HIVEP3: variants seen among roughly 807,000 people sequenced by gnomAD.
HIVEP3 encodes HIVEP zinc finger 3.
HIVEP3 carries 49 observed loss-of-function variants against 152.8 expected under a neutral mutation model. The ratio of observed to expected loss-of-function variants is 0.32; its 90% CI spans 0.26 to 0.41. The LOEUF (loss-of-function observed/expected upper bound fraction) is 0.41. Ranked by LOEUF, HIVEP3 falls within the 10% of genes least tolerant of loss-of-function variation. The pLI is 1.00. For synonymous variants in HIVEP3, 1,269 were observed against 1,289.0 expected, an observed-to-expected ratio of 0.98 and a Z score of 0.33; for missense variants, 2,790 against 3,103.3, an observed-to-expected ratio of 0.90 and a Z score of 2.40.
At chr1:41,691,646 T>G (rs1231125311) in intron 2 of HIVEP3, among the ~76,000 whole-genome samples, 1 of 152,234 alleles carries the variant, frequency 6.6e-6, no homozygotes, top group Non-Finnish European at 1.5e-5. Context: ...TGCCTTGATC[T>G]TGAATTTCCC....
chr1:41,737,379 T>G (rs710233), intron 1 of HIVEP3, among the ~76,000 whole-genome samples: 33,309 of 152,102 alleles, frequency 0.22, 9,512 homozygotes, highest in African/African-American at 0.66. Context: ...TTTTTTTGTG[T>G]CTGGCTGTGG....
At chr1:41,854,006 A>T (rs964148389) in intron 1 of HIVEP3, among the ~76,000 whole-genome samples, 3 of 152,204 alleles carry the variant, frequency 2.0e-5, no homozygotes, top group Admixed American at 2.0e-4. Flanking sequence ...CCAGAGAAGC[A>T]GAGCGAAGAC....
At chr1:41,773,094 A>G (rs954550814) in intron 1 of HIVEP3, among the ~76,000 whole-genome samples, 1 of 152,178 alleles carries the variant, frequency 6.6e-6, no homozygotes, top group Non-Finnish European at 1.5e-5. Flanking sequence ...TCAAGTTCAG[A>G]TGTAGATTCA....
intron 1 of HIVEP3, among the ~76,000 whole-genome samples, chr1:41,845,809 G>T (rs192800657): frequency 6.6e-6 from 1 of 152,268 alleles, no homozygotes; most frequent in African/African-American, 2.4e-5. Context: ...GCTCATACCT[G>T]TAATCCCAGC....
intron 1 of HIVEP3, among the ~76,000 whole-genome samples, chr1:42,016,036 G>A (rs6695748): frequency 7.9e-5 from 12 of 152,078 alleles, no homozygotes; most frequent in African/African-American, 2.9e-4. Flanking sequence ...GGCTAGTTAC[G>A]TGGGGCTGAA....
chr1:42,014,339 A>G (rs112316449), intron 1 of HIVEP3, among the ~76,000 whole-genome samples: 1 of 152,006 alleles, frequency 6.6e-6, no homozygotes, highest in Non-Finnish European at 1.5e-5. Context: ...GAGTTCGGGG[A>G]AAGGAGAAAG....
intron 2 of HIVEP3, among the ~76,000 whole-genome samples, chr1:41,668,901 A>G (rs933227939): frequency 1.3e-5 from 2 of 152,122 alleles, no homozygotes; most frequent in Non-Finnish European, 2.9e-5. Flanking sequence ...CTTGGTACCT[A>G]CTAGGTGCTC....
At chr1:41,727,785 G>A (rs951197444) in intron 1 of HIVEP3, among the ~76,000 whole-genome samples, 1 of 152,222 alleles carries the variant, frequency 6.6e-6, no homozygotes, top group Non-Finnish European at 1.5e-5. Flanking sequence ...CCCTGGGCTG[G>A]AGTCGTAGTC....
Position 41,513,672 on chromosome 1 carries a change from A to G in HIVEP3, c.5549T>C (p.Leu1850Pro). The G allele has an allele frequency of 6.2e-7, 1 of 1,612,808 alleles. No individual in the cohort carries two copies. Among genetic ancestry groups the G allele is most frequent in the South Asian group, 1.1e-5 (1 of 90,904 alleles). Reference protein sequence around the residue: ...EAVEEHQFSDLEDSDSDSDLD... With the variant: ...EAVEEHQFSDPEDSDSDSDLD... ...GTCTGAGTCTGAGTCCGAGTCCTCC[A>G]GGTCCGAAAACTGGTGCTCCTCCAC... is the stretch of plus-strand genomic sequence containing the variant. Residue 1850 changes from leucine to proline, a missense_variant, in exon 8 of 9, where the codon CTG (leucine) becomes CCG (proline). By Grantham distance (98) the Leu-to-Pro change is moderately conservative. Coordinates refer to ENST00000372583, the MANE Select transcript of HIVEP3 (RefSeq NM_024503.5).
intron 1 of HIVEP3, among the ~76,000 whole-genome samples, chr1:41,774,988 A>G (rs1648605425): frequency 6.6e-6 from 1 of 151,860 alleles, no homozygotes; most frequent in Non-Finnish European, 1.5e-5. Flanking sequence ...TTTTTTGTTG[A>G]GATGGGGTTT....
At chr1:41,985,971 G>C (rs1468273399) in intron 1 of HIVEP3, among the ~76,000 whole-genome samples, 1 of 152,208 alleles carries the variant, frequency 6.6e-6, no homozygotes, top group African/African-American at 2.4e-5. Flanking sequence ...TGTTAAACCT[G>C]TCACAGATTT....
chr1:42,006,034 A>C (rs979879547), intron 1 of HIVEP3, among the ~76,000 whole-genome samples: 1 of 152,198 alleles, frequency 6.6e-6, no homozygotes, highest in South Asian at 2.1e-4. Flanking sequence ...AGATAGCTTT[A>C]AGGTCACGAC....
intron 1 of HIVEP3, among the ~76,000 whole-genome samples, chr1:41,948,527 G>A (rs1398288982): frequency 6.3e-5 from 7 of 110,444 alleles, no homozygotes; most frequent in East Asian, 3.4e-4. Flanking sequence ...ACTGCCAAGC[G>A]GATATTGAAG....
intron 3 of HIVEP3, among the ~76,000 whole-genome samples, chr1:41,609,573 A>G (rs536329407): frequency 6.6e-6 from 1 of 152,372 alleles, no homozygotes; most frequent in South Asian, 2.1e-4. Flanking sequence ...CCATCCTCTA[A>G]GGTTGCTCAA....
intron 1 of HIVEP3, among the ~76,000 whole-genome samples, chr1:41,933,426 T>C (rs957924866): frequency 2.6e-5 from 4 of 152,146 alleles, no homozygotes; most frequent in Non-Finnish European, 5.9e-5. Context: ...TTCCTTTTTA[T>C]CCCAGATAAT....
rs557610045 is a variant in HIVEP3, at chr1:41,808,414, T to C, written c.-800-107419A>G. Among the ~76,000 whole-genome samples the C allele has an allele frequency of 2.0e-5, 3 of 152,372 alleles. No homozygotes were observed. In the South Asian group the frequency reaches 6.2e-4, roughly 32 times the overall value. Reference sequence around the variant, plus strand: ...AGTTCCCCTACCTGAGCCTGGCCTTTGTAAAGAAATTTGACAGGCACATCA... The same window carrying C: ...AGTTCCCCTACCTGAGCCTGGCCTTCGTAAAGAAATTTGACAGGCACATCA... On this transcript the variant is annotated intron_variant, in intron 1 of 8. Coordinates refer to ENST00000372583, the MANE Select transcript of HIVEP3 (RefSeq NM_024503.5).
chr1:41,895,533 C>T (rs1362869049), intron 1 of HIVEP3, among the ~76,000 whole-genome samples: 24 of 152,156 alleles, frequency 1.6e-4, no homozygotes, highest in Admixed American at 1.6e-3. Flanking sequence ...GCCACCCAGG[C>T]CAATCAGAAG....
chr1:41,587,955 G>A (rs1178227425), intron 3 of HIVEP3, among the ~76,000 whole-genome samples: 3 of 152,202 alleles, frequency 2.0e-5, no homozygotes, highest in Non-Finnish European at 4.4e-5. Flanking sequence ...GAATTGTCTA[G>A]CATCTGAACA....
chr1:41,758,029 T>C (rs1647428785), intron 1 of HIVEP3, among the ~76,000 whole-genome samples: 1 of 152,326 alleles, frequency 6.6e-6, no homozygotes, highest in Middle Eastern at 3.4e-3. Flanking sequence ...TACTTTTTAA[T>C]AACAATTATA....
Sources: allele counts gnomAD v4.1 joint callset (sites outside exome capture counted in the v4.1 genomes callset), GRCh38; gene constraint gnomAD v4.1.1; transcripts MANE v1.5; gene names NCBI Gene and HGNC (gene_info 2026-07-23, HGNC 2026-07-21).